The following FUT8 variants were observed in gnomAD, a reference collection of about 807,000 sequenced individuals.
The protein encoded by FUT8 is alpha-(1,6)-fucosyltransferase.
In FUT8, 29 loss-of-function variants were observed where a neutral mutation model predicts 71.3. That is an observed-to-expected ratio of 0.41 (90% confidence interval 0.30 to 0.55). The LOEUF is 0.55. Among genes scored for constraint, FUT8 ranks in the 20% least tolerant of loss-of-function variants. The probability of loss-of-function intolerance (pLI) is 0.34; values close to 1 mark genes in which losing one functional copy is unlikely to be tolerated. For missense variants in FUT8, 544 were observed against 702.1 expected (o/e 0.77, Z 2.55); for synonymous variants, 254 against 239.3 (o/e 1.06, Z -0.57).
intron 2 of FUT8, among the ~76,000 whole-genome samples, chr14:65,485,558 A>G (rs1458534021): frequency 3.3e-5 from 5 of 152,168 alleles, no homozygotes; most frequent in Non-Finnish European, 7.3e-5. Flanking sequence ...CAATATTCCT[A>G]AGTCTGCATG....
intron 10 of FUT8, among the ~76,000 whole-genome samples, chr14:65,740,710 A>G (rs1432346300): frequency 1.3e-5 from 2 of 151,916 alleles, no homozygotes; most frequent in Non-Finnish European, 2.9e-5. Flanking sequence ...ATCAGATCTC[A>G]CGAGAACTCA....
chr14:65,538,884 G>A (rs1884506128), intron 2 of FUT8, among the ~76,000 whole-genome samples: 1 of 152,138 alleles, frequency 6.6e-6, no homozygotes. Context: ...TCGCGCCATT[G>A]CACTCCAGCT....
chr14:65,518,984 A>G (rs1363255929), intron 2 of FUT8, among the ~76,000 whole-genome samples: 2 of 152,236 alleles, frequency 1.3e-5, no homozygotes, highest in African/African-American at 2.4e-5. Context: ...CATTCAACAC[A>G]TAATGAGGTC....
intron 3 of FUT8, among the ~76,000 whole-genome samples, chr14:65,567,594 C>T (rs902813482): frequency 4.6e-5 from 7 of 151,916 alleles, no homozygotes; most frequent in Non-Finnish European, 1.0e-4. Context: ...GGAATGTGTA[C>T]AGCACCTGCC....
At chr14:65,422,954 GGCCTCCTCAGTGA>G (rs2065321419) in intron 1 of FUT8, among the ~76,000 whole-genome samples, 1 of 151,512 alleles carries the variant, frequency 6.6e-6, no homozygotes, top group African/African-American at 2.4e-5. Context: ...CACTGCACCT[GGCCTCCTCAGTGA>G]TTTTCTTTCT....
intron 1 of FUT8, among the ~76,000 whole-genome samples, chr14:65,441,459 G>T (rs991588494): frequency 6.6e-6 from 1 of 152,058 alleles, no homozygotes; most frequent in Non-Finnish European, 1.5e-5. Flanking sequence ...ATGAGTACAG[G>T]TCTGGGCATG....
intron 1 of FUT8, among the ~76,000 whole-genome samples, chr14:65,431,484 T>C (rs2065474209): frequency 6.6e-6 from 1 of 151,508 alleles, no homozygotes; most frequent in Non-Finnish European, 1.5e-5. Flanking sequence ...TTTTTTTTGG[T>C]ATTTTTTTTG....
At chr14:65,680,903 G>A (rs1324701235) in intron 7 of FUT8, among the ~76,000 whole-genome samples, 2 of 152,158 alleles carry the variant, frequency 1.3e-5, no homozygotes, top group Admixed American at 6.5e-5. Flanking sequence ...TTTTCAAAAT[G>A]TGCCCTGCAC....
At chr14:65,421,136 T>C (rs1274948274) in intron 1 of FUT8, among the ~76,000 whole-genome samples, 2 of 141,278 alleles carry the variant, frequency 1.4e-5, no homozygotes, top group Non-Finnish European at 3.0e-5. Flanking sequence ...GAGGTTGCAG[T>C]GAGCCAAGGT....
At chr14:65,596,245 A>G (rs1887971740) in intron 3 of FUT8, among the ~76,000 whole-genome samples, 1 of 152,178 alleles carries the variant, frequency 6.6e-6, no homozygotes, top group African/African-American at 2.4e-5. Context: ...GCAAAATGAA[A>G]AGTTGTAATT....
chr14:65,653,222 G>A (rs966286730), intron 6 of FUT8, among the ~76,000 whole-genome samples: 1 of 151,962 alleles, frequency 6.6e-6, no homozygotes, highest in African/African-American at 2.4e-5. Flanking sequence ...ATATTGCCAG[G>A]GCTATTTATT....
At chr14:65,684,962 TA>T (rs1422613814) in intron 7 of FUT8, among the ~76,000 whole-genome samples, 2 of 152,216 alleles carry the variant, frequency 1.3e-5, no homozygotes, top group Non-Finnish European at 1.5e-5. Context: ...GTTTCATGTT[TA>T]ATTAGTTTAA....
chr14:65,665,493 G>A (rs533066020), intron 6 of FUT8, among the ~76,000 whole-genome samples: 21 of 152,300 alleles, frequency 1.4e-4, no homozygotes, highest in Middle Eastern at 3.4e-3. Context: ...GCTGGTGGGA[G>A]TGTAAATTAG....
chr14:65,445,408 C>T (rs892627392), intron 1 of FUT8, among the ~76,000 whole-genome samples: 4 of 152,104 alleles, frequency 2.6e-5, no homozygotes, highest in African/African-American at 9.7e-5. Context: ...TTATAAATTA[C>T]CCTCTCTCAG....
intron 1 of FUT8, among the ~76,000 whole-genome samples, chr14:65,423,263 CTTT>C (rs1180861343): frequency 4.2e-5 from 5 of 119,468 alleles, no homozygotes; most frequent in Admixed American, 8.4e-5. Context: ...GATTTTCTTT[CTTT>C]TTTTTTTTTT....
At chr14:65,701,320 T>G (rs1459101681) in intron 7 of FUT8, among the ~76,000 whole-genome samples, 13 of 152,220 alleles carry the variant, frequency 8.5e-5, no homozygotes, top group Admixed American at 8.5e-4. Context: ...GTGTGTGCTT[T>G]AATGTTTAAT....
At chr14:65,581,905 T>G (rs1333048908) in intron 3 of FUT8, among the ~76,000 whole-genome samples, 1 of 152,180 alleles carries the variant, frequency 6.6e-6, no homozygotes, top group African/African-American at 2.4e-5. Context: ...ATATAAATTG[T>G]GGTTTAAGAA....
rs1594784079 is a variant in FUT8 at position 65,578,044 on chromosome 14, A to G, written c.203+16278A>G. Among the ~76,000 whole-genome samples the G allele has an allele frequency of 4.6e-5, 7 of 152,244 alleles. No individual in the cohort carries two copies. In the East Asian group the frequency reaches 1.3e-3, roughly 29 times the overall value. ...GGTGTCACATGAAAAAACATCTTAAATAACTAAATTGTAAAAATTTAAACT... is the reference window on the plus strand; with the variant it reads ...GGTGTCACATGAAAAAACATCTTAAGTAACTAAATTGTAAAAATTTAAACT... On this transcript the variant is annotated intron_variant, in intron 3 of 10. Coordinates refer to ENST00000673929, the MANE Select transcript of FUT8 (RefSeq NM_001371533.1).
At chr14:65,602,944 T>C (rs1329894545) in intron 3 of FUT8, among the ~76,000 whole-genome samples, 1 of 152,010 alleles carries the variant, frequency 6.6e-6, no homozygotes, top group African/African-American at 2.4e-5. Context: ...TTTCCCACTC[T>C]GTGGGTTGTG....
Sources: gnomAD v4.1 joint callset for allele counts (sites outside exome capture counted in the v4.1 genomes callset) on GRCh38, gnomAD v4.1.1 for gene constraint, MANE v1.5 for transcripts, NCBI Gene and HGNC (gene_info 2026-07-23, HGNC 2026-07-21) for gene names.